Variants in SZRD1 observed in about 807,000 individuals in gnomAD.
SZRD1 encodes SUZ RNA binding domain containing 1, also known as SUZ RNA-binding domain-containing.
In SZRD1, 7 loss-of-function variants were observed where a neutral mutation model predicts 17.6. That is an observed-to-expected ratio of 0.40 (90% CI 0.23 to 0.75). SZRD1 has a LOEUF of 0.75. SZRD1 is among the 30% of genes least tolerant of loss of function. The pLI is 0.38. For missense variants in SZRD1, 178 were observed against 201.8 expected (o/e 0.88, Z 0.71); for synonymous variants, 77 against 77.9 (o/e 0.99, Z 0.06).
At chr1:16,369,409 T>C (rs897027472) in intron 1 of SZRD1, 3 of 1,074,536 alleles carry the variant, frequency 2.8e-6, no homozygotes, top group Non-Finnish European at 4.3e-6. Context: ...TTGCAAAAAC[T>C]GCTCAAAATT....
chr1:16,369,604 C>T (rs1192592887), intron 1 of SZRD1: 12 of 605,204 alleles, frequency 2.0e-5, no homozygotes, highest in East Asian at 2.9e-5. Flanking sequence ...AAAAATGTAC[C>T]GCGGCCAGGT....
intron 1 of SZRD1, among the ~76,000 whole-genome samples, chr1:16,371,199 C>T (rs2082907117): frequency 6.6e-6 from 1 of 151,940 alleles, no homozygotes; most frequent in Admixed American, 6.6e-5. Flanking sequence ...AAATTTTTGT[C>T]TTTTTTCTTT....
In SZRD1 at chr1:16,389,725, G is replaced by A. The variant is rs529403946; in HGVS notation, c.52-1650G>A. ...CTCCCAAAGTGCTGGGATTATAGGC[G>A]TGAGCCACCGCGCTGGGCTGAGAAT... On this transcript the variant is annotated intron_variant, in intron 1 of 3. Coordinates refer to ENST00000401088, the MANE Select transcript of SZRD1 (RefSeq NM_001114600.3). Among the ~76,000 whole-genome samples, 18 of 152,358 alleles carry A rather than the reference G, an allele frequency of 1.2e-4. No individual in the cohort carries two copies. In the East Asian group the frequency reaches 1.7e-3, roughly 15 times the overall value.
rs1229069388 is a variant in SZRD1 at position 16,397,218 on chromosome 1, AGG to A, written c.*2080_*2081del. 1 of 152,404 alleles carries A rather than the reference AGG, an allele frequency of 6.6e-6. No homozygotes were observed. Among genetic ancestry groups the A allele is most frequent in the East Asian group, 1.9e-4 (1 of 5,176 alleles). 9.4% of individuals were successfully genotyped at this position (152,404 alleles called of 1,614,324 possible). On this transcript the variant is annotated 3_prime_UTR_variant, in exon 4 of 4. Coordinates refer to ENST00000401088, the MANE Select transcript of SZRD1 (RefSeq NM_001114600.3). The surrounding 1 kb of genome is among the most constrained non-coding windows in gnomAD (Gnocchi z 5.4). The stretch of plus-strand genomic sequence containing the variant: ...GGTGTCTGTGGATTGAGGATGTGGC[AGG>A]GACTGGTCCTCCCACCTCCCTCTGG...
At chr1:16,384,384 A>T (rs907206617) in intron 1 of SZRD1, among the ~76,000 whole-genome samples, 6 of 152,134 alleles carry the variant, frequency 3.9e-5, no homozygotes, top group African/African-American at 1.2e-4. Flanking sequence ...CCAAAAAAAA[A>T]AAAAAAAGGG....
intron 1 of SZRD1, among the ~76,000 whole-genome samples, chr1:16,375,410 G>A (rs2082984943): frequency 2.6e-5 from 4 of 151,972 alleles, no homozygotes; most frequent in Non-Finnish European, 5.9e-5. Context: ...TGCCTTCCGG[G>A]TTCAAGCAAT....
At chr1:16,378,873 C>T (rs967914299) in intron 1 of SZRD1, among the ~76,000 whole-genome samples, 3 of 151,882 alleles carry the variant, frequency 2.0e-5, no homozygotes, top group African/African-American at 4.8e-5. Context: ...ATTACAGGCA[C>T]GTGCCACCAC....
At position 16,378,043 on chromosome 1, in the gene SZRD1, A is replaced by G. The variant is rs114693116; in HGVS notation, c.51+10735A>G. ...GAAACACAGAGAAAGCAGGAGCCCC[A>G]TTAGATTCGACCCCATTTTATTTCC... On this transcript the variant is annotated intron_variant, in intron 1 of 3. Transcript: ENST00000401088. Among the ~76,000 whole-genome samples, 1,380 of 152,228 alleles carry G rather than the reference A, an allele frequency of 9.1e-3. 17 individuals are homozygous for G. Among genetic ancestry groups the G allele is most frequent in the African/African-American group, 0.032 (1,324 of 41,538 alleles).
intron 1 of SZRD1, among the ~76,000 whole-genome samples, chr1:16,388,291 G>T (rs899511195): frequency 6.6e-6 from 1 of 152,020 alleles, no homozygotes; most frequent in South Asian, 2.1e-4. Flanking sequence ...GTAGAGACGG[G>T]GTTTCACCTT....
chr1:16,379,760 G>GTTTTTTT (rs35016930), intron 1 of SZRD1, among the ~76,000 whole-genome samples: 1 of 130,984 alleles, frequency 7.6e-6, no homozygotes, highest in South Asian at 2.4e-4. Flanking sequence ...TTGATTTGGG[G>GTTTTTTT]TTTTTTTTTT....
At chr1:16,371,523 G>A (rs1204962028) in intron 1 of SZRD1, among the ~76,000 whole-genome samples, 1 of 146,582 alleles carries the variant, frequency 6.8e-6, no homozygotes, top group Non-Finnish European at 1.5e-5. Flanking sequence ...GTGCAGTGGC[G>A]CAATCTCGGC....
intron 1 of SZRD1, among the ~76,000 whole-genome samples, chr1:16,380,159 GT>G (rs2083074729): frequency 6.6e-6 from 1 of 152,174 alleles, no homozygotes; most frequent in Admixed American, 6.6e-5. Context: ...GAAAGTGACT[GT>G]GGTGGAATTG....
intron 1 of SZRD1, among the ~76,000 whole-genome samples, chr1:16,375,982 G>A (rs1276985513): frequency 2.0e-5 from 3 of 152,164 alleles, no homozygotes; most frequent in Non-Finnish European, 2.9e-5. Flanking sequence ...GAACAAGCGC[G>A]CAGCCTGTGG....
Position 16,367,292 on chromosome 1 carries a change from A to C in SZRD1, c.35A>C (p.Glu12Ala). 2 of 1,548,844 alleles carry C rather than the reference A, an allele frequency of 1.3e-6. No homozygotes were observed. Among genetic ancestry groups the C allele is most frequent in the Non-Finnish European group, 1.7e-6 (2 of 1,146,612 alleles). Reference sequence around the variant, plus strand: ...GAGGAGGTCGCTGAGAGCTGGGAAGAGGCGGCAGACAGCGGGGTAAGGAGG... The same window carrying C: ...GAGGAGGTCGCTGAGAGCTGGGAAGCGGCGGCAGACAGCGGGGTAAGGAGG... The part of the protein sequence containing the change: ...EDEEVAESWE[E>A]AADSGEIDRR... The change falls in exon 1 of 4, where the codon GAG (glutamate) becomes GCG (alanine). Residue 12 changes from glutamate to alanine, a missense_variant. This residue lies in a region of SZRD1 where 117 missense variants were observed against 108.7 expected (regional missense o/e 1.08). Transcript: ENST00000401088.
At chr1:16,373,043 C>T (rs977825503) in intron 1 of SZRD1, among the ~76,000 whole-genome samples, 1 of 151,782 alleles carries the variant, frequency 6.6e-6, no homozygotes. Flanking sequence ...GATGAGGAGG[C>T]CGAGAGACAA....
At chr1:16,369,402 CA>C in intron 1 of SZRD1, 4 of 1,075,978 alleles carry the variant, frequency 3.7e-6, no homozygotes, top group Admixed American at 1.8e-5. Context: ...TCCTTTCTTG[CA>C]AAAACTGCTC....
chr1:16,370,292 C>G (rs866494625), intron 1 of SZRD1, among the ~76,000 whole-genome samples: 5 of 149,624 alleles, frequency 3.3e-5, no homozygotes, highest in Middle Eastern at 3.7e-3. Context: ...GTGGCTCAAT[C>G]TCATCTCACT....
intron 1 of SZRD1, among the ~76,000 whole-genome samples, chr1:16,381,085 TAAAAAAA>T (rs139686580): frequency 8.1e-6 from 1 of 123,166 alleles, no homozygotes; most frequent in East Asian, 2.4e-4. Context: ...CCTGGCTCGT[TAAAAAAA>T]AAAAAAAAAA....
chr1:16,397,120 G>A lies in SZRD1; in HGVS notation c.*1980G>A, dbSNP rs1570063367. ...GGTGGGAACGCCAGAAGTGCTGATT[G>A]CCCAGCCATTGGGACCACCTGTTCT... is the stretch of plus-strand genomic sequence containing the variant. On this transcript the variant is annotated 3_prime_UTR_variant, in exon 4 of 4. Transcript: ENST00000401088. This position sits in a 1 kb window ranked among gnomAD's most constrained non-coding sequence, Gnocchi z 5.4. 2 of 152,262 alleles carry A rather than the reference G, an allele frequency of 1.3e-5. No individual in the cohort carries two copies. Among genetic ancestry groups the A allele is most frequent in the Non-Finnish European group, 2.9e-5 (2 of 68,058 alleles). 9.4% of individuals were successfully genotyped at this position (152,262 alleles called of 1,614,324 possible).
Sources: allele counts gnomAD v4.1 joint callset (sites outside exome capture counted in the v4.1 genomes callset), GRCh38; gene constraint gnomAD v4.1.1; regional missense constraint gnomAD v4.1.1; non-coding constraint Gnocchi (gnomAD v3.1); transcripts MANE v1.5; gene names NCBI Gene and HGNC (gene_info 2026-07-23, HGNC 2026-07-21).